SORCS3: variants seen among roughly 807,000 people sequenced by gnomAD.
SORCS3 encodes sortilin related VPS10 domain containing receptor 3.
SORCS3 carries 57 observed loss-of-function variants against 146.3 expected under a neutral mutation model. The observed-to-expected ratio is 0.39, with a 90% confidence interval of 0.31 to 0.49. SORCS3 has a LOEUF of 0.49. Among genes scored for constraint, SORCS3 ranks in the 20% least tolerant of loss-of-function variants. The probability of loss-of-function intolerance (pLI) is 0.92; values close to 1 mark genes in which losing one functional copy is unlikely to be tolerated. For synonymous variants in SORCS3, 653 were observed against 618.5 expected (o/e 1.06, Z -0.83); for missense variants, 1,341 against 1,575.5 (o/e 0.85, Z 2.52).
intron 1 of SORCS3, among the ~76,000 whole-genome samples, chr10:104,775,017 T>A (rs2133486334): frequency 6.6e-6 from 1 of 152,290 alleles, no homozygotes; most frequent in East Asian, 1.9e-4. Context: ...TTACCAAGCA[T>A]CTGTAAGCTA....
rs183353643 is a variant in SORCS3, at chr10:105,183,684, C to T, written c.2009+5511C>T. 1.9e-3 allele frequency among the ~76,000 whole-genome samples: 282 copies of T among 152,316 alleles called. 1 individual carries two copies. The highest frequency in any genetic ancestry group is 2.0e-3 in the Non-Finnish European group (139 of 68,042). Reference sequence around the variant, plus strand: ...CACCTCTCAGGCTGGCTGCTTGATTCATAACCTTCAGATTGTCGCCAGGCT... The same window carrying T: ...CACCTCTCAGGCTGGCTGCTTGATTTATAACCTTCAGATTGTCGCCAGGCT... On this transcript the variant is annotated intron_variant, in intron 14 of 26. Coordinates refer to ENST00000369701, the MANE Select transcript of SORCS3 (RefSeq NM_014978.3).
rs186980634 is a variant in SORCS3, at chr10:104,795,266, A to G, written c.628-47526A>G. On this transcript the variant is annotated intron_variant, in intron 1 of 26. Coordinates refer to ENST00000369701, the MANE Select transcript of SORCS3 (RefSeq NM_014978.3). The stretch of plus-strand genomic sequence containing the variant: ...TATAGAATCACCATGAATAAGAGCT[A>G]TAAAGGCAGACTGATCGATCAGATG... Among the ~76,000 whole-genome samples the G allele has an allele frequency of 3.4e-3, 520 of 152,348 alleles. 2 individuals carry two copies. Among genetic ancestry groups the G allele is most frequent in the African/African-American group, 0.012 (494 of 41,580 alleles).
At chr10:104,939,504 T>A in intron 3 of SORCS3, among the ~76,000 whole-genome samples, 1 of 147,308 alleles carries the variant, frequency 6.8e-6, no homozygotes. Flanking sequence ...CCGTGGCTCC[T>A]CTTATGACAG....
chr10:104,961,998 C>G (rs566326461), intron 3 of SORCS3, among the ~76,000 whole-genome samples: 11 of 151,832 alleles, frequency 7.2e-5, no homozygotes, highest in Non-Finnish European at 1.5e-4. Context: ...ACAAGTAAAA[C>G]GTAAAATAAC....
chr10:104,744,517 GTTA>G (rs1564673607), intron 1 of SORCS3, among the ~76,000 whole-genome samples: 1 of 152,182 alleles, frequency 6.6e-6, no homozygotes, highest in Admixed American at 6.5e-5. Flanking sequence ...TGGAGAACCT[GTTA>G]TTATCTCCAC....
chr10:104,683,351 A>T (rs2016002789), intron 1 of SORCS3, among the ~76,000 whole-genome samples: 1 of 152,186 alleles, frequency 6.6e-6, no homozygotes, highest in Non-Finnish European at 1.5e-5. Flanking sequence ...CGTACTTTGG[A>T]TTCAGATAGA....
At chr10:104,887,766 T>C (rs1054748778) in intron 2 of SORCS3, among the ~76,000 whole-genome samples, 7 of 152,230 alleles carry the variant, frequency 4.6e-5, no homozygotes, top group Non-Finnish European at 7.3e-5. Flanking sequence ...TTCTCACCTC[T>C]ATGACTTTGT....
chr10:105,019,743 T>C (rs2055188152), intron 4 of SORCS3, among the ~76,000 whole-genome samples: 1 of 152,220 alleles, frequency 6.6e-6, no homozygotes, highest in Non-Finnish European at 1.5e-5. Flanking sequence ...ATAAGAATCA[T>C]GTTGGAGAGA....
At chr10:104,900,105 A>G (rs549062915) in intron 2 of SORCS3, among the ~76,000 whole-genome samples, 1 of 152,204 alleles carries the variant, frequency 6.6e-6, no homozygotes, top group Non-Finnish European at 1.5e-5. Flanking sequence ...CACTCCCACC[A>G]TAGTTCTTGA....
intron 9 of SORCS3, among the ~76,000 whole-genome samples, chr10:105,154,457 A>G (rs1305850679): frequency 6.6e-6 from 1 of 152,114 alleles, no homozygotes. Context: ...TCTGCACTCA[A>G]ATTGATTCCC....
intron 5 of SORCS3, among the ~76,000 whole-genome samples, chr10:105,044,138 G>C (rs1182600634): frequency 1.3e-5 from 2 of 152,118 alleles, no homozygotes; most frequent in African/African-American, 4.8e-5. Context: ...AGAGGCTGAG[G>C]TGGGAGGATT....
At chr10:104,835,288 G>GTT (rs999400143) in intron 1 of SORCS3, among the ~76,000 whole-genome samples, 1 of 152,168 alleles carries the variant, frequency 6.6e-6, no homozygotes, top group Non-Finnish European at 1.5e-5. Context: ...CGAAGTGTAT[G>GTT]TTTTAGCAAC....
rs1423223585 is a variant in SORCS3, at chr10:105,027,822, A to T, written c.955-15233A>T. ...GAAGGGCTTCCTAGTGCTCCTGAGC[A>T]CAAGGAGACTGTGATGTCCCTTGTG... On this transcript the variant is annotated intron_variant, in intron 4 of 26. Coordinates refer to ENST00000369701, the MANE Select transcript of SORCS3 (RefSeq NM_014978.3). 3.9e-5 allele frequency among the ~76,000 whole-genome samples: 6 copies of T among 152,312 alleles called. No homozygotes were observed. The East Asian group carries it at 9.6e-4, about 24-fold the overall frequency.
At chr10:104,900,637 TC>T (rs2018842256) in intron 2 of SORCS3, among the ~76,000 whole-genome samples, 1 of 152,090 alleles carries the variant, frequency 6.6e-6, no homozygotes, top group Non-Finnish European at 1.5e-5. Flanking sequence ...ACGCCTGTAA[TC>T]CCAGGACTTT....
chr10:105,092,616 C>G (rs1462296793), intron 6 of SORCS3, among the ~76,000 whole-genome samples: 3 of 151,562 alleles, frequency 2.0e-5, no homozygotes, highest in African/African-American at 4.9e-5. Flanking sequence ...CAAACACACA[C>G]ACACACACAC....
chr10:105,104,338 C>A (rs1476986898), intron 6 of SORCS3, among the ~76,000 whole-genome samples: 1 of 151,970 alleles, frequency 6.6e-6, no homozygotes, highest in Non-Finnish European at 1.5e-5. Flanking sequence ...TTGGTGGATT[C>A]TTCACAGAGA....
intron 21 of SORCS3, among the ~76,000 whole-genome samples, chr10:105,246,556 C>G (rs1020233824): frequency 1.3e-5 from 2 of 152,168 alleles, no homozygotes; most frequent in Non-Finnish European, 2.9e-5. Flanking sequence ...TTATGTTCCT[C>G]CAGCCTCACA....
intron 1 of SORCS3, among the ~76,000 whole-genome samples, chr10:104,728,399 C>T (rs1017264411): frequency 6.6e-6 from 1 of 152,114 alleles, no homozygotes; most frequent in Non-Finnish European, 1.5e-5. Flanking sequence ...TACTGCAGGG[C>T]TGAGAAAACC....
In SORCS3 at chr10:105,186,534, T is replaced by C. The variant is rs546462160; in HGVS notation, c.2009+8361T>C. On this transcript the variant is annotated intron_variant, in intron 14 of 26. Coordinates refer to ENST00000369701, the MANE Select transcript of SORCS3 (RefSeq NM_014978.3). ...ACTGAGAAATGTCATGACATTTTAATGACATAAGAAAACACAGTGTCCCTC... is the reference window on the plus strand; with the variant it reads ...ACTGAGAAATGTCATGACATTTTAACGACATAAGAAAACACAGTGTCCCTC... Among the ~76,000 whole-genome samples the C allele has an allele frequency of 8.5e-5, 13 of 152,252 alleles. 1 individual carries two copies. The South Asian group carries it at 2.7e-3, about 32-fold the overall frequency.
Sources: gnomAD v4.1 joint callset for allele counts (sites outside exome capture counted in the v4.1 genomes callset) on GRCh38, gnomAD v4.1.1 for gene constraint, MANE v1.5 for transcripts, NCBI Gene and HGNC (gene_info 2026-07-23, HGNC 2026-07-21) for gene names.